Variants in IGF2BP1 observed in about 807,000 individuals in gnomAD.
IGF2BP1 encodes insulin like growth factor 2 mRNA binding protein 1.
In IGF2BP1, 11 loss-of-function variants were observed where a neutral mutation model predicts 74.9. The observed-to-expected ratio is 0.15, with a 90% confidence interval of 0.09 to 0.24. IGF2BP1 has a LOEUF of 0.24. IGF2BP1 is among the 10% of genes least tolerant of loss of function. The pLI is 1.00. For missense variants in IGF2BP1, 440 were observed against 757.4 expected (o/e 0.58, Z 4.92); for synonymous variants, 287 against 281.8 (o/e 1.02, Z -0.18).
intron 2 of IGF2BP1, among the ~76,000 whole-genome samples, chr17:49,021,704 G>A (rs2041794802): frequency 1.3e-5 from 2 of 152,204 alleles, no homozygotes; most frequent in African/African-American, 2.4e-5. Context: ...GGGTGGTGGG[G>A]AGGGACTAAT....
intron 9 of IGF2BP1, among the ~76,000 whole-genome samples, chr17:49,043,198 G>T (rs1026389359): frequency 1.4e-4 from 21 of 152,194 alleles, no homozygotes; most frequent in Admixed American, 3.3e-4. Flanking sequence ...ATTTCTGGTT[G>T]CAATTGCTAG....
intron 4 of IGF2BP1, among the ~76,000 whole-genome samples, chr17:49,027,975 C>T (rs1053756949): frequency 1.3e-5 from 2 of 151,216 alleles, no homozygotes; most frequent in Admixed American, 6.6e-5. Flanking sequence ...AGTTTTGAGA[C>T]CAGCCTGGGA....
At chr17:49,031,600 T>C (rs2041922307) in intron 4 of IGF2BP1, among the ~76,000 whole-genome samples, 1 of 151,018 alleles carries the variant, frequency 6.6e-6, no homozygotes, top group Non-Finnish European at 1.5e-5. Flanking sequence ...TAGATTCAAG[T>C]GATTCAAGCA....
chr17:48,998,678 C>T (rs1362051495), intron 1 of IGF2BP1, among the ~76,000 whole-genome samples: 3 of 152,160 alleles, frequency 2.0e-5, no homozygotes, highest in Admixed American at 6.5e-5. Context: ...GGCCCAAAGC[C>T]CGTCTTCCTG....
Position 49,053,341 on chromosome 17 carries a change from G to A in IGF2BP1, c.*3897G>A, listed in dbSNP as rs2042189099. 3 of 152,706 alleles carry A rather than the reference G, an allele frequency of 2.0e-5. No individual in the cohort carries two copies. The highest frequency in any genetic ancestry group is 2.4e-5 in the African/African-American group (1 of 41,450). The allele number at this position is 152,706 out of a possible 1,614,324, so 9.5% of individuals were successfully genotyped here. A position where few individuals can be genotyped will look rare whatever the true frequency, so the allele number is the denominator to read the frequency against. On this transcript the variant is annotated 3_prime_UTR_variant, in exon 15 of 15. Transcript: ENST00000290341. ...TGAATCAAAGCAATAGCCAGCTTTC[G>A]ACACATACCTGGCTGTCTGAGGAGG...
upstream of IGF2BP1, chr17:48,996,614 G>C (rs1157071709): frequency 6.6e-6 from 1 of 152,310 alleles, no homozygotes; most frequent in Non-Finnish European, 1.5e-5. Flanking sequence ...CACCGTTCCT[G>C]TCTCCTGGAG....
At chr17:49,044,940 TG>T (rs1322174551) in intron 11 of IGF2BP1, 50 bp from the exon 12 acceptor site, 1 of 1,467,506 alleles carries the variant, frequency 6.8e-7, no homozygotes, top group East Asian at 2.3e-5. Flanking sequence ...GTGGACATGG[TG>T]GGGGTCTTCC....
At chr17:49,011,699 A>C (rs2041621320) in intron 2 of IGF2BP1, among the ~76,000 whole-genome samples, 1 of 152,172 alleles carries the variant, frequency 6.6e-6, no homozygotes, top group Admixed American at 6.5e-5. Context: ...AAAAAAAAAA[A>C]AACGTTGGGA....
At chr17:49,014,676 G>GA (rs1418668128) in intron 2 of IGF2BP1, 2 of 672,096 alleles carry the variant, frequency 3.0e-6, no homozygotes, top group African/African-American at 3.9e-5. Flanking sequence ...TGGCAGCTAG[G>GA]GGGAGACGCG....
At chr17:49,046,496 T>TCAGCAGGC in intron 14 of IGF2BP1, 123 bp downstream of exon 14, 1 of 682,762 alleles carries the variant, frequency 1.5e-6, no homozygotes, top group Non-Finnish European at 2.6e-6. Flanking sequence ...CACATCTGCC[T>TCAGCAGGC]GCCTCTAGGC....
At chr17:49,000,311 CATT>C (rs2041472814) in intron 2 of IGF2BP1, among the ~76,000 whole-genome samples, 2 of 151,936 alleles carry the variant, frequency 1.3e-5, no homozygotes, top group African/African-American at 4.8e-5. Context: ...TCTGGGGGAC[CATT>C]AAGAGGGCCT....
rs1029748801 is a variant in IGF2BP1, at chr17:49,043,088, A to G, written c.1078-340A>G. Among the ~76,000 whole-genome samples, 3 of 152,164 alleles carry G rather than the reference A, an allele frequency of 2.0e-5. No individual in the cohort carries two copies. The East Asian group carries it at 5.8e-4, about 29-fold the overall frequency. On this transcript the variant is annotated intron_variant, in intron 9 of 14. Coordinates refer to ENST00000290341, the MANE Select transcript of IGF2BP1 (RefSeq NM_006546.4). ...AGCTCTGTCTCCACGCCTTTTTCTC[A>G]TATAGGGGGTTATAGTATAGTGTCA...
intron 5 of IGF2BP1, among the ~76,000 whole-genome samples, chr17:49,032,528 G>A (rs995360818): frequency 3.3e-5 from 5 of 152,154 alleles, no homozygotes; most frequent in African/African-American, 1.2e-4. Flanking sequence ...CTCACTCACT[G>A]TTACAGACAG....
intron 5 of IGF2BP1, among the ~76,000 whole-genome samples, chr17:49,034,307 C>T (rs1051643117): frequency 1.3e-5 from 2 of 151,706 alleles, no homozygotes; most frequent in Non-Finnish European, 2.9e-5. Context: ...TTAGTAAAGA[C>T]GAGGTTTCCC....
chr17:49,047,916 A>ATG (rs1567829376), intron 14 of IGF2BP1, among the ~76,000 whole-genome samples: 1 of 151,998 alleles, frequency 6.6e-6, no homozygotes, highest in Admixed American at 6.6e-5. Context: ...AGGTTTCACC[A>ATG]TGTGGCCCAG....
In IGF2BP1 at chr17:49,041,489, C is replaced by A; in HGVS notation, c.930C>A (p.Ile310=). Residue 310 remains isoleucine (I), a synonymous_variant, in exon 8 of 15, where the codon ATC becomes ATA. Coordinates refer to ENST00000290341, the MANE Select transcript of IGF2BP1 (RefSeq NM_006546.4). ...TAGAGCAAGATACCGAGACAAAAAT[C>A]ACCATCTCCTCGTAAGGCTCTCTTC... ...KKVEQDTETK[I]TISSLQDLTL... 6.2e-7 allele frequency: 1 copy of A among 1,614,122 alleles called. No homozygotes were observed. Among genetic ancestry groups the A allele is most frequent in the Non-Finnish European group, 8.5e-7 (1 of 1,180,010 alleles).
At chr17:49,019,434 A>G (rs1279495524) in intron 2 of IGF2BP1, among the ~76,000 whole-genome samples, 2 of 152,198 alleles carry the variant, frequency 1.3e-5, no homozygotes, top group African/African-American at 4.8e-5. Flanking sequence ...TAATAACTTC[A>G]GAACTGGGTG....
At chr17:48,999,814 A>AC (rs1269716455) in intron 2 of IGF2BP1, among the ~76,000 whole-genome samples, 1 of 148,852 alleles carries the variant, frequency 6.7e-6, no homozygotes, top group Non-Finnish European at 1.5e-5. Context: ...GAGCCCCCCT[A>AC]CCCCCACTCC....
intron 5 of IGF2BP1, 33 bp downstream of exon 5, chr17:49,032,006 T>A: frequency 2.2e-6 from 2 of 899,382 alleles, no homozygotes; most frequent in Non-Finnish European, 1.8e-6. Flanking sequence ...CTGGGTGCGG[T>A]GGGGGGGGGT....
Sources: gnomAD v4.1 joint callset for allele counts (sites outside exome capture counted in the v4.1 genomes callset) on GRCh38, gnomAD v4.1.1 for gene constraint, MANE v1.5 for transcripts, NCBI Gene and HGNC (gene_info 2026-07-23, HGNC 2026-07-21) for gene names.